Variants in CENPP observed in about 807,000 individuals in gnomAD.
CENPP encodes the protein centromere protein P.
CENPP carries 24 observed loss-of-function variants against 35.6 expected under a neutral mutation model. The observed-to-expected ratio is 0.67, with a 90% CI of 0.49 to 0.95. CENPP has a LOEUF of 0.95. Among genes scored for constraint, CENPP ranks in the 40% least tolerant of loss-of-function variants. CENPP has a pLI of 0.00. For synonymous variants in CENPP, 120 were observed against 125.5 expected, an observed-to-expected ratio of 0.96 and a Z score of 0.29; for missense variants, 332 against 345.3, an observed-to-expected ratio of 0.96 and a Z score of 0.31.
chr9:92,497,290 C>A (rs923423051), intron 5 of CENPP, among the ~76,000 whole-genome samples: 1 of 150,936 alleles, frequency 6.6e-6, no homozygotes, highest in African/African-American at 2.4e-5. Flanking sequence ...TGAAGAAATT[C>A]TCTACATACT....
At position 92,597,245 on chromosome 9, in the gene CENPP, T is replaced by C. The variant is rs566450792; in HGVS notation, c.565-14069T>C. Among the ~76,000 whole-genome samples, 8 of 152,228 alleles carry C rather than the reference T, an allele frequency of 5.3e-5. No homozygotes were observed. In the East Asian group the frequency reaches 1.5e-3, roughly 29 times the overall value. ...TACCGCAGATTTCATATGACCACTG[T>C]GAGGATTGAATGAGCTATAGTGCAA... On this transcript the variant is annotated intron_variant, in intron 5 of 7. Coordinates refer to ENST00000375587, the MANE Select transcript of CENPP (RefSeq NM_001012267.3).
At chr9:92,355,879 TGTAGGG>T (rs1841576128) in intron 4 of CENPP, among the ~76,000 whole-genome samples, 1 of 152,232 alleles carries the variant, frequency 6.6e-6, no homozygotes, top group African/African-American at 2.4e-5. Context: ...TTTCAATTCT[TGTAGGG>T]GTAGAATAGA....
At chr9:92,580,379 ACCAGTT>A (rs1850390845) in intron 5 of CENPP, among the ~76,000 whole-genome samples, 1 of 152,138 alleles carries the variant, frequency 6.6e-6, no homozygotes, top group Non-Finnish European at 1.5e-5. Flanking sequence ...AAGGAATGGT[ACCAGTT>A]CCTCCTTGTA....
intron 5 of CENPP, among the ~76,000 whole-genome samples, chr9:92,513,834 G>T (rs1477496108): frequency 1.3e-5 from 2 of 152,136 alleles, no homozygotes; most frequent in Non-Finnish European, 1.5e-5. Context: ...TCTTAATTTT[G>T]GTGGTGGTTA....
At chr9:92,440,138 A>G (rs1288269363) in intron 5 of CENPP, among the ~76,000 whole-genome samples, 1 of 152,112 alleles carries the variant, frequency 6.6e-6, no homozygotes, top group Non-Finnish European at 1.5e-5. Flanking sequence ...ACATATCCAC[A>G]CTATATACAC....
At chr9:92,505,741 A>C (rs1407059425) in intron 5 of CENPP, 19 of 1,432,966 alleles carry the variant, frequency 1.3e-5, no homozygotes, top group Non-Finnish European at 1.8e-5. Flanking sequence ...AAACCATGCA[A>C]ATTTTTGTAG....
chr9:92,589,294 C>T (rs1031715335), intron 5 of CENPP, among the ~76,000 whole-genome samples: 3 of 151,376 alleles, frequency 2.0e-5, no homozygotes, highest in Non-Finnish European at 2.9e-5. Context: ...TGCAGTGAGC[C>T]GAGATTGTGC....
chr9:92,500,556 C>A (rs931874806), intron 5 of CENPP, among the ~76,000 whole-genome samples: 1 of 152,230 alleles, frequency 6.6e-6, no homozygotes, highest in Non-Finnish European at 1.5e-5. Flanking sequence ...TCCTCACATA[C>A]CTGTCATCCA....
At chr9:92,535,013 G>A (rs1371922270) in intron 5 of CENPP, among the ~76,000 whole-genome samples, 1 of 152,104 alleles carries the variant, frequency 6.6e-6, no homozygotes, top group African/African-American at 2.4e-5. Context: ...TGAGTGCTTA[G>A]GAGTGTGAAT....
At chr9:92,406,605 T>A (rs1008709834) in intron 5 of CENPP, among the ~76,000 whole-genome samples, 4 of 152,180 alleles carry the variant, frequency 2.6e-5, no homozygotes, top group African/African-American at 4.8e-5. Context: ...TGCTTGATGG[T>A]CTGCTTCAGG....
At chr9:92,426,948 T>C (rs991615264) in intron 5 of CENPP, among the ~76,000 whole-genome samples, 2 of 152,110 alleles carry the variant, frequency 1.3e-5, no homozygotes, top group Non-Finnish European at 2.9e-5. Context: ...CAGATCTTGG[T>C]TTCTAACATC....
chr9:92,589,235 A>G (rs1233093577), intron 5 of CENPP, among the ~76,000 whole-genome samples: 1 of 151,966 alleles, frequency 6.6e-6, no homozygotes, highest in Non-Finnish European at 1.5e-5. Flanking sequence ...GTGCACCGTC[A>G]CTAGGGAAGC....
intron 5 of CENPP, among the ~76,000 whole-genome samples, chr9:92,573,822 C>T (rs760924849): frequency 5.9e-5 from 9 of 152,374 alleles, no homozygotes; most frequent in South Asian, 4.1e-4. Context: ...CCCAGCCTCG[C>T]GGCCGCCTTG....
intron 5 of CENPP, among the ~76,000 whole-genome samples, chr9:92,504,859 G>A: frequency 6.6e-6 from 1 of 152,168 alleles, no homozygotes; most frequent in East Asian, 1.9e-4. Flanking sequence ...TTTAACGCAG[G>A]AAATGAGGGG....
chr9:92,603,475 G>T (rs1053710048), intron 5 of CENPP, among the ~76,000 whole-genome samples: 1 of 152,086 alleles, frequency 6.6e-6, no homozygotes, highest in Non-Finnish European at 1.5e-5. Flanking sequence ...GAGAGCAGGG[G>T]TGTGGTGGTA....
chr9:92,480,762 G>A (rs1424250995), intron 5 of CENPP, among the ~76,000 whole-genome samples: 1 of 152,064 alleles, frequency 6.6e-6, no homozygotes, highest in Non-Finnish European at 1.5e-5. Context: ...CAGTTCACAG[G>A]TACCAGTAGC....
chr9:92,338,179 G>A (rs534145391), intron 3 of CENPP, among the ~76,000 whole-genome samples: 2 of 152,214 alleles, frequency 1.3e-5, no homozygotes, highest in East Asian at 3.9e-4. Flanking sequence ...AGGCGTGGTG[G>A]TGCGCACCTG....
At chr9:92,367,378 G>C (rs886185717) in intron 4 of CENPP, among the ~76,000 whole-genome samples, 2 of 151,864 alleles carry the variant, frequency 1.3e-5, no homozygotes, top group Non-Finnish European at 1.5e-5. Context: ...TGTTGGGCAG[G>C]CTGGTCTCGA....
At chr9:92,395,315 TC>T (rs558130504) in intron 5 of CENPP, among the ~76,000 whole-genome samples, 209 of 152,342 alleles carry the variant, frequency 1.4e-3, no homozygotes, top group African/African-American at 4.6e-3. Flanking sequence ...TTTTCTGGCT[TC>T]TTTTACTCAG....
Sources: allele counts gnomAD v4.1 joint callset (sites outside exome capture counted in the v4.1 genomes callset), GRCh38; gene constraint gnomAD v4.1.1; transcripts MANE v1.5; gene names NCBI Gene and HGNC (gene_info 2026-07-23, HGNC 2026-07-21).